UNC5D: variants seen among roughly 807,000 people sequenced by gnomAD.
UNC5D encodes netrin receptor UNC5D.
Under a neutral mutation model 105.4 loss-of-function variants are expected in UNC5D, and 39 were observed. That is an observed-to-expected ratio of 0.37 (90% CI 0.29 to 0.48). The LOEUF (loss-of-function observed/expected upper bound fraction) is 0.48. Among genes scored for constraint, UNC5D ranks in the 20% least tolerant of loss-of-function variants. The pLI, the probability that UNC5D is intolerant of heterozygous loss-of-function variation, is 0.98. For missense variants in UNC5D, 991 were observed against 1,202.4 expected (o/e 0.82, Z 2.60); for synonymous variants, 452 against 450.4 (o/e 1.00, Z -0.04).
At chr8:35,562,562 C>G (rs994685836) in intron 2 of UNC5D, among the ~76,000 whole-genome samples, 3 of 151,828 alleles carry the variant, frequency 2.0e-5, no homozygotes, top group African/African-American at 7.3e-5. Flanking sequence ...TTTGCATTTC[C>G]CTGATGATTA....
intron 1 of UNC5D, among the ~76,000 whole-genome samples, chr8:35,452,178 C>A (rs955306819): frequency 6.6e-6 from 1 of 152,132 alleles, no homozygotes; most frequent in Non-Finnish European, 1.5e-5. Context: ...CACAAGTGAA[C>A]CATACGATTT....
chr8:35,726,108 A>C, intron 9 of UNC5D, 44 bp from the exon 10 acceptor site: 1 of 1,571,042 alleles, frequency 6.4e-7, no homozygotes, highest in Non-Finnish European at 8.6e-7. Flanking sequence ...AGTAACTGAG[A>C]TGCCTTTTAG....
At chr8:35,569,082 A>G (rs943304760) in intron 3 of UNC5D, among the ~76,000 whole-genome samples, 1 of 152,168 alleles carries the variant, frequency 6.6e-6, no homozygotes. Context: ...CACACTTGGA[A>G]AAAAGTATGA....
chr8:35,592,408 A>C (rs1235354208), intron 3 of UNC5D, among the ~76,000 whole-genome samples: 1 of 152,140 alleles, frequency 6.6e-6, no homozygotes, highest in Non-Finnish European at 1.5e-5. Flanking sequence ...TTTCCCTACT[A>C]TTAGAAATTG....
intron 1 of UNC5D, among the ~76,000 whole-genome samples, chr8:35,392,446 T>A (rs995521498): frequency 1.3e-5 from 2 of 152,214 alleles, no homozygotes; most frequent in African/African-American, 2.4e-5. Context: ...CTCAAACTCC[T>A]GGCCTCAAGT....
chr8:35,608,985 T>A (rs1319032030), intron 4 of UNC5D, among the ~76,000 whole-genome samples: 2 of 152,212 alleles, frequency 1.3e-5, no homozygotes, highest in South Asian at 4.1e-4. Context: ...ATATCCAAAC[T>A]ATTTTTCATA....
rs3048026 is a variant in UNC5D, at chr8:35,491,617, A to AGTGTGT, written c.104-57664_104-57659dup. Among the ~76,000 whole-genome samples the AGTGTGT allele has an allele frequency of 6.0e-5, 9 of 151,244 alleles. No homozygotes were observed. In the South Asian group the frequency reaches 1.3e-3, roughly 21 times the overall value. The stretch of plus-strand genomic sequence containing the variant: ...CTCCAAGGAGTAGGCAACACTTTAG[A>AGTGTGT]GTGTGTGTGTGTGTGTAGGGATCCA... On this transcript the variant is annotated intron_variant, in intron 1 of 16. Transcript: ENST00000404895.
At chr8:35,788,700 G>A (rs59249141) in intron 16 of UNC5D, among the ~76,000 whole-genome samples, 15,706 of 146,668 alleles carry the variant, frequency 0.11, 2,325 homozygotes, top group African/African-American at 0.34. Context: ...ACACACACAC[G>A]CACACACACA....
intron 1 of UNC5D, among the ~76,000 whole-genome samples, chr8:35,380,013 G>T (rs994285692): frequency 2.0e-4 from 29 of 143,802 alleles, no homozygotes; most frequent in Admixed American, 1.4e-3. Context: ...CATGATAAAG[G>T]CCCCAGCAAG....
intron 11 of UNC5D, among the ~76,000 whole-genome samples, chr8:35,742,288 C>G (rs887425928): frequency 6.6e-6 from 1 of 151,342 alleles, no homozygotes; most frequent in East Asian, 1.9e-4. Context: ...AAATAATAAA[C>G]CTTAAAACCT....
intron 4 of UNC5D, among the ~76,000 whole-genome samples, chr8:35,641,560 T>G (rs1018471172): frequency 1.2e-4 from 18 of 152,094 alleles, no homozygotes; most frequent in African/African-American, 3.4e-4. Flanking sequence ...TTGAGTCATA[T>G]TCTACAATTT....
chr8:35,409,825 C>T (rs376010815), intron 1 of UNC5D, among the ~76,000 whole-genome samples: 8 of 151,938 alleles, frequency 5.3e-5, no homozygotes, highest in African/African-American at 1.5e-4. Context: ...ATGCAGATTT[C>T]CTCCTATTTT....
Position 35,438,096 on chromosome 8 carries a change from A to AAAAC in UNC5D, c.104-111176_104-111173dup, listed in dbSNP as rs370599517. Among the ~76,000 whole-genome samples, 227 of 152,060 alleles carry AAAAC rather than the reference A, an allele frequency of 1.5e-3. 3 individuals are homozygous for AAAAC. In the East Asian group the frequency reaches 0.035, roughly 23 times the overall value. On this transcript the variant is annotated intron_variant, in intron 1 of 16. Transcript: ENST00000404895. ...ACCCTTTGTCCATTTTGGAAAAGGC[A>AAAAC]AAACAAACAAACAAACAAACAAAAA...
chr8:35,418,442 A>G (rs905627316), intron 1 of UNC5D, among the ~76,000 whole-genome samples: 3 of 152,202 alleles, frequency 2.0e-5, no homozygotes, highest in African/African-American at 7.2e-5. Flanking sequence ...ATCCAAGTGC[A>G]CATTAGTGAT....
At chr8:35,662,053 T>G (rs1824136544) in intron 4 of UNC5D, among the ~76,000 whole-genome samples, 1 of 152,190 alleles carries the variant, frequency 6.6e-6, no homozygotes, top group Non-Finnish European at 1.5e-5. Flanking sequence ...AAAATACATT[T>G]TCTGATGCCA....
chr8:35,683,965 TC>T (rs1825843567), intron 5 of UNC5D, among the ~76,000 whole-genome samples: 2 of 152,156 alleles, frequency 1.3e-5, no homozygotes, highest in Admixed American at 1.3e-4. Context: ...TTCCAATCTC[TC>T]TTTTAAAAAT....
At chr8:35,647,625 A>G (rs1328835944) in intron 4 of UNC5D, among the ~76,000 whole-genome samples, 1 of 152,176 alleles carries the variant, frequency 6.6e-6, no homozygotes, top group Non-Finnish European at 1.5e-5. Flanking sequence ...AATGACTGCT[A>G]TATAGACAAA....
chr8:35,767,128 C>T, intron 15 of UNC5D, 62 bp downstream of exon 15: 1 of 1,508,206 alleles, frequency 6.6e-7, no homozygotes, highest in Non-Finnish European at 8.9e-7. Flanking sequence ...AATAATAAAG[C>T]TATACCTACC....
At chr8:35,662,756 G>A (rs894137993) in intron 4 of UNC5D, among the ~76,000 whole-genome samples, 6 of 152,182 alleles carry the variant, frequency 3.9e-5, no homozygotes, top group African/African-American at 1.4e-4. Flanking sequence ...TTACCACTCA[G>A]TTCCTTTAGA....
Sources: gnomAD v4.1 joint callset for allele counts (sites outside exome capture counted in the v4.1 genomes callset) on GRCh38, gnomAD v4.1.1 for gene constraint, MANE v1.5 for transcripts, NCBI Gene and HGNC (gene_info 2026-07-23, HGNC 2026-07-21) for gene names.